DSCAML1: variants seen among roughly 807,000 people sequenced by gnomAD.
DSCAML1 encodes the protein cell adhesion molecule DSCAML1.
A neutral mutation model predicts 200.5 loss-of-function variants in DSCAML1; 38 were observed. That is an observed-to-expected ratio of 0.19 (90% CI 0.15 to 0.25). DSCAML1 has a LOEUF of 0.25. DSCAML1 is among the 10% of genes least tolerant of loss of function. The probability of loss-of-function intolerance (pLI) is 1.00; values close to 1 mark genes in which losing one functional copy is unlikely to be tolerated. For synonymous variants in DSCAML1, 1,215 were observed against 1,165.0 expected (o/e 1.04, Z -0.87); for missense variants, 2,223 against 2,858.8 (o/e 0.78, Z 5.07).
intron 3 of DSCAML1, among the ~76,000 whole-genome samples, chr11:117,638,708 T>C (rs1204179069): frequency 6.6e-6 from 1 of 152,232 alleles, no homozygotes; most frequent in Admixed American, 6.5e-5. Flanking sequence ...AATCTGTACT[T>C]CATCCCTTTT....
At chr11:117,645,400 T>C (rs947573436) in intron 3 of DSCAML1, among the ~76,000 whole-genome samples, 4 of 152,194 alleles carry the variant, frequency 2.6e-5, no homozygotes, top group African/African-American at 7.2e-5. Context: ...AGGTTGGGAC[T>C]GGAACCATGA....
In DSCAML1 at chr11:117,503,767, G is replaced by A. The variant is rs1279626129; in HGVS notation, c.2359+78C>T. ...ATAGATGAAACGACGGAGACTAAGA[G>A]AGTAGGCAGGGAGAGTGCAGAGCCG... On this transcript the variant is annotated intron_variant, in intron 11 of 32. Coordinates refer to ENST00000651296, the MANE Select transcript of DSCAML1 (RefSeq NM_020693.4). This position sits in a 1 kb window ranked among gnomAD's most constrained non-coding sequence, Gnocchi z 5.2. The A allele has an allele frequency of 6.1e-6, 9 of 1,467,236 alleles. No individual in the cohort carries two copies. The Admixed American group carries it at 1.8e-4, about 30-fold the overall frequency. 90.9% of individuals were successfully genotyped at this position (1,467,236 alleles called of 1,614,324 possible).
At chr11:117,602,358 G>T (rs1340546150) in intron 3 of DSCAML1, among the ~76,000 whole-genome samples, 5 of 152,110 alleles carry the variant, frequency 3.3e-5, no homozygotes, top group African/African-American at 7.2e-5. Flanking sequence ...AGGCAGGGGG[G>T]TCCCTCTATT....
chr11:117,632,098 G>C (rs2052186116), intron 3 of DSCAML1, among the ~76,000 whole-genome samples: 1 of 152,228 alleles, frequency 6.6e-6, no homozygotes. Context: ...TCCTATCCCT[G>C]CTCAGCAGAC....
At chr11:117,499,634 A>G (rs1366981584) in intron 11 of DSCAML1, among the ~76,000 whole-genome samples, 4 of 152,220 alleles carry the variant, frequency 2.6e-5, no homozygotes. Flanking sequence ...TTGCCTACCA[A>G]CCTCACAAGC....
chr11:117,594,639 A>G (rs2051325681), intron 3 of DSCAML1, among the ~76,000 whole-genome samples: 2 of 152,198 alleles, frequency 1.3e-5, no homozygotes, highest in Admixed American at 1.3e-4. Flanking sequence ...GACATCCCGC[A>G]GACCTGCAGC....
chr11:117,674,392 G>A (rs1216714128), intron 3 of DSCAML1, among the ~76,000 whole-genome samples: 20 of 152,122 alleles, frequency 1.3e-4, no homozygotes, highest in Admixed American at 1.1e-3. Context: ...CAGTACCCAC[G>A]TTCTACAGCA....
intron 3 of DSCAML1, among the ~76,000 whole-genome samples, chr11:117,548,461 C>A (rs1416270834): frequency 6.6e-6 from 1 of 152,192 alleles, no homozygotes; most frequent in Non-Finnish European, 1.5e-5. Flanking sequence ...CCCTCTTAGA[C>A]CCTCTCTTAA....
chr11:117,544,115 GTC>G (rs1278137475), intron 3 of DSCAML1, among the ~76,000 whole-genome samples: 1 of 152,128 alleles, frequency 6.6e-6, no homozygotes. Flanking sequence ...AAAAATCGTT[GTC>G]TCTCTTGGAA....
chr11:117,758,282 AGAGT>A (rs2054732956), intron 3 of DSCAML1, among the ~76,000 whole-genome samples: 2 of 150,298 alleles, frequency 1.3e-5, no homozygotes, highest in South Asian at 4.3e-4. Flanking sequence ...CCTGGGCGAC[AGAGT>A]GAGACTCCAT....
chr11:117,545,804 G>A (rs1212893529), intron 3 of DSCAML1, among the ~76,000 whole-genome samples: 1 of 152,194 alleles, frequency 6.6e-6, no homozygotes, highest in Non-Finnish European at 1.5e-5. Flanking sequence ...GGCCTCATCT[G>A]CACCCTCAAT....
intron 23 of DSCAML1, 101 bp from the exon 24 acceptor site, chr11:117,439,084 T>TCC: frequency 7.5e-7 from 1 of 1,339,162 alleles, no homozygotes; most frequent in African/African-American, 1.5e-5. Flanking sequence ...TCCCACACCC[T>TCC]CACTCCCACT....
At chr11:117,731,265 A>G (rs2137818010) in intron 3 of DSCAML1, among the ~76,000 whole-genome samples, 1 of 152,306 alleles carries the variant, frequency 6.6e-6, no homozygotes, top group East Asian at 1.9e-4. Context: ...GCCAAGTGCA[A>G]TAGAAAGAAC....
chr11:117,651,909 T>C (rs1157473950), intron 3 of DSCAML1, among the ~76,000 whole-genome samples: 4 of 152,128 alleles, frequency 2.6e-5, no homozygotes, highest in Non-Finnish European at 4.4e-5. Context: ...CAATGCCTAC[T>C]CTGCAAGTGG....
At chr11:117,436,706 AG>A (rs1004438575) in intron 26 of DSCAML1, among the ~76,000 whole-genome samples, 15 of 152,148 alleles carry the variant, frequency 9.9e-5, no homozygotes, top group Admixed American at 8.5e-4. Context: ...TTAAGCCACC[AG>A]GTTTTGGTAT....
At chr11:117,710,852 A>T (rs1483769763) in intron 3 of DSCAML1, among the ~76,000 whole-genome samples, 1 of 152,172 alleles carries the variant, frequency 6.6e-6, no homozygotes, top group African/African-American at 2.4e-5. Flanking sequence ...CTAACTGGGG[A>T]GACAGAACAT....
Position 117,469,776 on chromosome 11 carries a change from T to C in DSCAML1, c.3024+134A>G. 2 of 737,518 alleles carry C rather than the reference T, an allele frequency of 2.7e-6. No individual in the cohort carries two copies. Among genetic ancestry groups the C allele is most frequent in the Non-Finnish European group, 4.0e-6 (2 of 497,530 alleles). The allele number at this position is 737,518 out of a possible 1,614,324, so 45.7% of individuals were successfully genotyped here. On this transcript the variant is annotated intron_variant, in intron 16 of 32. Coordinates refer to ENST00000651296, the MANE Select transcript of DSCAML1 (RefSeq NM_020693.4). The surrounding 1 kb of genome is among the most constrained non-coding windows in gnomAD (Gnocchi z 4.1). ...TCTCCTTCCATCTCTCAAATCTCAC[T>C]AGGTTTAGTGACAAAACAGACATGG...
chr11:117,577,458 T>TTCCCTCCCTCCTTCCTTCC (rs1555186443), intron 3 of DSCAML1, among the ~76,000 whole-genome samples: 1 of 57,360 alleles, frequency 1.7e-5, no homozygotes, highest in Non-Finnish European at 3.7e-5. Flanking sequence ...CCTTCCTTCC[T>TTCCCTCCCTCCTTCCTTCC]TTCCTTCCTT....
intron 3 of DSCAML1, among the ~76,000 whole-genome samples, chr11:117,721,763 T>C (rs1442371444): frequency 7.4e-5 from 11 of 147,772 alleles, no homozygotes; most frequent in African/African-American, 2.7e-4. Flanking sequence ...ATACATCATA[T>C]AGAAAATATA....
Sources: gnomAD v4.1 joint callset for allele counts (sites outside exome capture counted in the v4.1 genomes callset) on GRCh38, gnomAD v4.1.1 for gene constraint, Gnocchi (gnomAD v3.1) non-coding constraint, MANE v1.5 for transcripts, NCBI Gene and HGNC (gene_info 2026-07-23, HGNC 2026-07-21) for gene names.